SLC44A5: variants seen among roughly 807,000 people sequenced by gnomAD.
SLC44A5 encodes solute carrier family 44 member 5.
Under a neutral mutation model 101.8 loss-of-function variants are expected in SLC44A5, and 57 were observed. The ratio of observed to expected loss-of-function variants is 0.56; its 90% CI spans 0.45 to 0.70. The LOEUF is 0.70. Among genes scored for constraint, SLC44A5 ranks in the 30% least tolerant of loss-of-function variants. SLC44A5 has a pLI of 0.00. For synonymous variants in SLC44A5, 281 were observed against 290.9 expected (o/e 0.97, Z 0.35); for missense variants, 737 against 853.1 (o/e 0.86, Z 1.70).
At chr1:75,676,240 T>C in the SLC44A5 span, among the ~76,000 whole-genome samples, 1 of 152,322 alleles carries the variant, frequency 6.6e-6, no homozygotes, top group South Asian at 2.1e-4. Flanking sequence ...TAAAAATACA[T>C]GCACACATAT....
At chr1:75,661,066 T>C in the SLC44A5 span, among the ~76,000 whole-genome samples, 2 of 152,166 alleles carry the variant, frequency 1.3e-5, no homozygotes, top group South Asian at 4.1e-4. Flanking sequence ...CTGGAGGTAC[T>C]ATATTACCTG....
At chr1:75,553,043 G>T (rs549832392) in intron 1 of SLC44A5, among the ~76,000 whole-genome samples, 5 of 152,158 alleles carry the variant, frequency 3.3e-5, no homozygotes, top group Non-Finnish European at 7.4e-5. Flanking sequence ...ACTTGAGCTT[G>T]CAGAAAAAGT....
the SLC44A5 span, among the ~76,000 whole-genome samples, chr1:75,637,758 T>G: frequency 6.6e-6 from 1 of 152,014 alleles, no homozygotes; most frequent in African/African-American, 2.4e-5. Flanking sequence ...CGGGTCAAAC[T>G]GGGGGAGTGG....
At chr1:75,235,368 G>C (rs1647980904) in intron 11 of SLC44A5, among the ~76,000 whole-genome samples, 1 of 151,968 alleles carries the variant, frequency 6.6e-6, no homozygotes, top group Admixed American at 6.6e-5. Context: ...AGTGGTGCCT[G>C]GGTGGAGAGG....
intron 2 of SLC44A5, among the ~76,000 whole-genome samples, chr1:75,453,140 A>G (rs1191018016): frequency 1.3e-5 from 2 of 152,130 alleles, no homozygotes; most frequent in African/African-American, 4.8e-5. Flanking sequence ...ATTCTTGATC[A>G]TAAAGCAGTC....
At chr1:75,488,903 C>A (rs1668293950) in intron 2 of SLC44A5, among the ~76,000 whole-genome samples, 1 of 152,170 alleles carries the variant, frequency 6.6e-6, no homozygotes, top group Non-Finnish European at 1.5e-5. Flanking sequence ...GGCTGGAGTG[C>A]AATGGCGTGA....
chr1:75,683,365 A>G, the SLC44A5 span, among the ~76,000 whole-genome samples: 2 of 152,306 alleles, frequency 1.3e-5, no homozygotes, highest in South Asian at 4.1e-4. Flanking sequence ...CCAAATGTCC[A>G]ACAATGATAG....
intron 1 of SLC44A5, among the ~76,000 whole-genome samples, chr1:75,603,555 C>A (rs987898903): frequency 5.3e-5 from 8 of 151,958 alleles, no homozygotes; most frequent in Non-Finnish European, 1.0e-4. Context: ...GAGAGACCTC[C>A]AAACTGCTTT....
At chr1:75,232,571 G>A (rs1038663158) in intron 12 of SLC44A5, among the ~76,000 whole-genome samples, 2 of 152,078 alleles carry the variant, frequency 1.3e-5, no homozygotes, top group African/African-American at 4.8e-5. Context: ...AAGAGGAGCC[G>A]TACAGCAGGA....
chr1:75,665,188 G>A, the SLC44A5 span, among the ~76,000 whole-genome samples: 48 of 152,066 alleles, frequency 3.2e-4, no homozygotes, highest in South Asian at 2.1e-4. Context: ...AAAGTCAGAA[G>A]CACCATCTTC....
intron 2 of SLC44A5, among the ~76,000 whole-genome samples, chr1:75,474,650 G>T (rs954479621): frequency 3.3e-5 from 5 of 152,022 alleles, no homozygotes; most frequent in East Asian, 1.9e-4. Flanking sequence ...TTTTCTTTGT[G>T]GGGCATAGAA....
chr1:75,557,378 A>T (rs1672276086), intron 1 of SLC44A5, among the ~76,000 whole-genome samples: 3 of 152,106 alleles, frequency 2.0e-5, no homozygotes, highest in Admixed American at 2.0e-4. Flanking sequence ...CAACATTGAA[A>T]ATGTGGGAGA....
intron 1 of SLC44A5, among the ~76,000 whole-genome samples, chr1:75,578,970 A>G (rs970506548): frequency 6.6e-6 from 1 of 152,212 alleles, no homozygotes; most frequent in Non-Finnish European, 1.5e-5. Flanking sequence ...ATTAGCATAC[A>G]TAATCTACCA....
intron 3 of SLC44A5, among the ~76,000 whole-genome samples, chr1:75,388,339 A>T: frequency 6.6e-6 from 1 of 152,144 alleles, no homozygotes; most frequent in Non-Finnish European, 1.5e-5. Context: ...ATAAAAGAAT[A>T]ATACTTGCTA....
intron 4 of SLC44A5, among the ~76,000 whole-genome samples, chr1:75,306,820 C>T (rs569798721): frequency 6.8e-6 from 1 of 146,730 alleles, no homozygotes; most frequent in South Asian, 2.1e-4. Context: ...CTGCAAGCTC[C>T]GCCTCCCGGG....
At chr1:75,442,220 T>C (rs984461682) in intron 2 of SLC44A5, among the ~76,000 whole-genome samples, 1 of 152,076 alleles carries the variant, frequency 6.6e-6, no homozygotes, top group African/African-American at 2.4e-5. Flanking sequence ...CACAACATAA[T>C]ACTTAGAAAT....
At chr1:75,615,424 CACACACATACAT>C (rs1339375014), upstream of SLC44A5, among the ~76,000 whole-genome samples, 11 of 97,238 alleles carry the variant, frequency 1.1e-4, no homozygotes, top group Non-Finnish European at 1.7e-4. Context: ...CTTACACACA[CACACACATACAT>C]ACACACACAC....
chr1:75,559,753 C>A (rs1256441741), intron 1 of SLC44A5, among the ~76,000 whole-genome samples: 1 of 151,862 alleles, frequency 6.6e-6, no homozygotes, highest in Non-Finnish European at 1.5e-5. Context: ...AAAAGACAAC[C>A]CATAGAATGT....
At chr1:75,466,655 TAAAA>T (rs754658767) in intron 2 of SLC44A5, among the ~76,000 whole-genome samples, 1 of 88,488 alleles carries the variant, frequency 1.1e-5, no homozygotes, top group Non-Finnish European at 2.2e-5. Context: ...GATGCCATCT[TAAAA>T]AAAAAAAAAA....
Sources: allele counts gnomAD v4.1 joint callset (sites outside exome capture counted in the v4.1 genomes callset), GRCh38; gene constraint gnomAD v4.1.1; transcripts MANE v1.5; gene names NCBI Gene and HGNC (gene_info 2026-07-23, HGNC 2026-07-21).